CDKL5: variants seen among roughly 807,000 people sequenced by gnomAD.
CDKL5 encodes the protein cyclin-dependent kinase-like 5.
Under a neutral mutation model 61.7 loss-of-function variants are expected in CDKL5, and 8 were observed. The ratio of observed to expected loss-of-function variants is 0.13; its 90% CI spans 0.08 to 0.23. The LOEUF (loss-of-function observed/expected upper bound fraction) is 0.23, where lower values mean the gene tolerates loss of function less well. CDKL5 is among the 10% of genes least tolerant of loss of function. The probability of loss-of-function intolerance (pLI) is 1.00; values close to 1 mark genes in which losing one functional copy is unlikely to be tolerated. For synonymous variants in CDKL5, 275 were observed against 272.3 expected, an observed-to-expected ratio of 1.01 and a Z score of -0.10; for missense variants, 440 against 734.5, an observed-to-expected ratio of 0.60 and a Z score of 4.63.
chrX:18,580,617 CTT>C (rs1360464968), intron 6 of CDKL5, among the ~76,000 whole-genome samples: 4 of 111,928 alleles, frequency 3.6e-5, no homozygotes, highest in African/African-American at 1.3e-4. Flanking sequence ...AGGGAAATTA[CTT>C]GCTCAGCATC....
rs768290250 is a variant in CDKL5, at chrX:18,460,500, T to C, written c.-163+34805T>C. Among the ~76,000 whole-genome samples, 6 of 110,853 alleles carry C rather than the reference T, an allele frequency of 5.4e-5. No homozygotes were observed. The South Asian group carries it at 2.3e-3, about 43-fold the overall frequency. ...AGGTTCTTTTTATTTATTTATTTATTATTTATTTATTTTTTGGAGACAGGG... is the reference window on the plus strand; with the variant it reads ...AGGTTCTTTTTATTTATTTATTTATCATTTATTTATTTTTTGGAGACAGGG... On this transcript the variant is annotated intron_variant, in intron 1 of 17. Transcript: ENST00000623535.
At chrX:18,580,687 A>G (rs1925450215) in intron 6 of CDKL5, among the ~76,000 whole-genome samples, 1 of 111,846 alleles carries the variant, frequency 8.9e-6, no homozygotes, top group Non-Finnish European at 1.9e-5. Flanking sequence ...CAGTAGTGGG[A>G]CACAAATTGA....
intron 1 of CDKL5, among the ~76,000 whole-genome samples, chrX:18,438,365 G>A (rs1317443186): frequency 2.7e-5 from 3 of 110,399 alleles, no homozygotes; most frequent in Admixed American, 9.7e-5. Flanking sequence ...TGCCTGGCCT[G>A]AAGAGGTACA....
At chrX:18,441,474 G>C (rs1028931300) in intron 1 of CDKL5, among the ~76,000 whole-genome samples, 3 of 111,042 alleles carry the variant, frequency 2.7e-5, no homozygotes, top group African/African-American at 9.8e-5. Flanking sequence ...ATCTCTTCAG[G>C]GGTTTTCAGA....
intron 1 of CDKL5, among the ~76,000 whole-genome samples, chrX:18,454,556 A>G (rs1447341744): frequency 1.9e-5 from 2 of 103,314 alleles, no homozygotes; most frequent in East Asian, 6.3e-4. Context: ...TTTGATTACC[A>G]GTATTTGTTT....
intron 1 of CDKL5, among the ~76,000 whole-genome samples, chrX:18,495,143 G>A (rs1047145282): frequency 8.9e-6 from 1 of 112,136 alleles, no homozygotes; most frequent in African/African-American, 3.2e-5. Flanking sequence ...GTATTCCTAT[G>A]CAATTTTCAG....
intron 20 of CDKL5, among the ~76,000 whole-genome samples, chrX:18,648,403 A>T (rs1927883171): frequency 9.1e-6 from 1 of 109,781 alleles, no homozygotes. Context: ...CACCACACCC[A>T]GCTAATTTTT....
chrX:18,628,382 A>G lies in CDKL5; in HGVS notation c.2508A>G (p.Leu836=). The stretch of plus-strand genomic sequence containing the variant: ...ATCCTTTCTTTCAGAGCCAGCCATT[A>G]AAATCACTGCGCAAGTTGTTACATC... ...ISDLQTQSQP[L]KSLRKLLHLS... is the part of the protein sequence containing the mutation. The change falls in exon 18 of 18, where the codon TTA becomes TTG. Residue 836 remains leucine (L), a synonymous_variant. Coordinates refer to ENST00000623535, the MANE Select transcript of CDKL5 (RefSeq NM_001323289.2). The G allele has an allele frequency of 2.5e-6, 3 of 1,211,220 alleles. No individual in the cohort carries two copies. Among genetic ancestry groups the G allele is most frequent in the Non-Finnish European group, 3.4e-6 (3 of 894,890 alleles).
At chrX:18,591,038 G>A (rs148741034) in intron 9 of CDKL5, among the ~76,000 whole-genome samples, 2 of 110,511 alleles carry the variant, frequency 1.8e-5, no homozygotes, top group East Asian at 2.9e-4. Context: ...TGGGACCCAT[G>A]GCTGCTTCTC....
chrX:18,587,587 T>A (rs1457749409), intron 8 of CDKL5: 3 of 193,152 alleles, frequency 1.6e-5, no homozygotes, highest in African/African-American at 6.1e-5. Context: ...TAAAGGATAA[T>A]TATTTGTCTT....
intron 1 of CDKL5, among the ~76,000 whole-genome samples, chrX:18,457,871 C>T (rs1195978586): frequency 9.5e-6 from 1 of 105,217 alleles, no homozygotes; most frequent in Non-Finnish European, 1.9e-5. Flanking sequence ...GCCTGGGCCT[C>T]CCAAAGTGCT....
chrX:18,427,893 G>A (rs1931402587), intron 1 of CDKL5, among the ~76,000 whole-genome samples: 1 of 110,450 alleles, frequency 9.1e-6, no homozygotes, highest in African/African-American at 3.3e-5. Context: ...TGTTTATATT[G>A]TAATTTTCTT....
At chrX:18,485,832 C>T (rs886161209) in intron 1 of CDKL5, among the ~76,000 whole-genome samples, 1 of 111,919 alleles carries the variant, frequency 8.9e-6, no homozygotes, top group African/African-American at 3.2e-5. Context: ...GCCTGAGTGA[C>T]TCCATTTGGG....
intron 16 of CDKL5, among the ~76,000 whole-genome samples, 189 bp downstream of exon 16, chrX:18,620,155 C>G: frequency 8.9e-6 from 1 of 112,167 alleles, no homozygotes. Context: ...CTACATTCAA[C>G]AGAATCTCCA....
At chrX:18,469,828 T>C (rs1174293125) in intron 1 of CDKL5, among the ~76,000 whole-genome samples, 2 of 112,029 alleles carry the variant, frequency 1.8e-5, no homozygotes, top group African/African-American at 6.5e-5. Context: ...AGAAGACTTC[T>C]TTAAAATTAC....
chrX:18,432,940 C>A (rs764573577), intron 1 of CDKL5, among the ~76,000 whole-genome samples: 1 of 112,315 alleles, frequency 8.9e-6, no homozygotes, highest in East Asian at 2.9e-4. Flanking sequence ...AAAATATCTT[C>A]TGGAGACCAG....
At chrX:18,495,940 CCATGAGAGCAGGAG>C (rs1450583386) in intron 1 of CDKL5, among the ~76,000 whole-genome samples, 3 of 112,101 alleles carry the variant, frequency 2.7e-5, no homozygotes, top group Non-Finnish European at 5.6e-5. Flanking sequence ...TCCTTTAGCT[CCATGAGAGCAGGAG>C]CATGGTCCAT....
intron 1 of CDKL5, among the ~76,000 whole-genome samples, chrX:18,433,908 C>T (rs1054057214): frequency 8.9e-6 from 1 of 112,235 alleles, no homozygotes; most frequent in Admixed American, 9.5e-5. Context: ...CCTCTAATCC[C>T]CCTTGACAGA....
Position 18,604,691 on chromosome X carries a change from C to T in CDKL5, c.1767C>T (p.His589=), listed in dbSNP as rs267608645. 152 of 1,210,293 alleles carry T rather than the reference C, an allele frequency of 1.3e-4. 2 individuals are homozygous for T. The South Asian group carries it at 2.4e-3, about 19-fold the overall frequency. Residue 589 remains histidine (H), a synonymous_variant, in exon 12 of 18, where the codon CAC becomes CAT. Transcript: ENST00000623535. ...SSHSHSLSAP[H]ESFSYGLGYT... ...ATTCCCATTCACTGTCTGCACCTCA[C>T]GAATCTTTTTCTTATGGACTGGGCT...
Sources: gnomAD v4.1 joint callset for allele counts (sites outside exome capture counted in the v4.1 genomes callset) on GRCh38, gnomAD v4.1.1 for gene constraint, MANE v1.5 for transcripts, NCBI Gene and HGNC (gene_info 2026-07-23, HGNC 2026-07-21) for gene names.